Variants in RCBTB1 observed in about 807,000 individuals in gnomAD.
RCBTB1 encodes RCC1 and BTB domain-containing protein 1.
RCBTB1 carries 46 observed loss-of-function variants against 62.4 expected under a neutral mutation model. The observed-to-expected ratio is 0.74, with a 90% CI of 0.58 to 0.94. The LOEUF is 0.94. Among genes scored for constraint, RCBTB1 ranks in the 40% least tolerant of loss-of-function variants. RCBTB1 has a pLI of 0.00. For missense variants in RCBTB1, 565 were observed against 654.9 expected, an observed-to-expected ratio of 0.86 and a Z score of 1.50; for synonymous variants, 222 against 245.8, an observed-to-expected ratio of 0.90 and a Z score of 0.91.
At chr13:49,561,690 T>C (rs1306124664) in intron 4 of RCBTB1, among the ~76,000 whole-genome samples, 2 of 151,422 alleles carry the variant, frequency 1.3e-5, no homozygotes, top group African/African-American at 4.9e-5. Context: ...TTTCTGGAGG[T>C]AGACAAATTG....
chr13:49,576,364 T>C (rs1963789240), intron 2 of RCBTB1, among the ~76,000 whole-genome samples: 2 of 152,028 alleles, frequency 1.3e-5, no homozygotes, highest in African/African-American at 4.8e-5. Context: ...TAAAATCAAA[T>C]AATCATCCTG....
At chr13:49,544,921 A>C in intron 9 of RCBTB1, 58 bp from the exon 10 acceptor site, 1 of 1,426,378 alleles carries the variant, frequency 7.0e-7, no homozygotes, top group Non-Finnish European at 9.6e-7. Context: ...TGAAGATTCA[A>C]AAGACTTCAA....
chr13:49,561,715 T>A (rs922478505), intron 4 of RCBTB1, among the ~76,000 whole-genome samples: 8 of 151,628 alleles, frequency 5.3e-5, no homozygotes, highest in Non-Finnish European at 1.0e-4. Context: ...GAAAGTTTAA[T>A]GGGAAGAATA....
intron 1 of RCBTB1, among the ~76,000 whole-genome samples, chr13:49,583,796 C>T (rs1156947912): frequency 6.6e-6 from 1 of 152,144 alleles, no homozygotes; most frequent in Non-Finnish European, 1.5e-5. Flanking sequence ...AATCTGTCGC[C>T]TCAATCTCCC....
intron 9 of RCBTB1, chr13:49,546,937 A>C: frequency 1.0e-6 from 1 of 985,162 alleles, no homozygotes; most frequent in Non-Finnish European, 1.2e-6. Context: ...GTCAATGACC[A>C]TATTTTTTCC....
rs751852707 is a variant in RCBTB1 at position 49,552,218 on chromosome 13, G to A, written c.671C>T (p.Pro224Leu). 74 of 1,595,522 alleles carry A rather than the reference G, an allele frequency of 4.6e-5. No homozygotes were observed. The highest frequency in any genetic ancestry group is 6.1e-5 in the Non-Finnish European group (71 of 1,170,430). Reference sequence around the variant, plus strand: ...GCTGTGCAAAGCTGCCACTCTCACAGGGGTCAGCTGGTTGCCATTGTTTCC... The same window carrying A: ...GCTGTGCAAAGCTGCCACTCTCACAAGGGTCAGCTGGTTGCCATTGTTTCC... ...GLGNNGNQLT[P>L]VRVAALHSVC... Residue 224 changes from proline to leucine, a missense_variant, in exon 7 of 13, where the codon CCT becomes CTT. Physicochemically the swap from Pro to Leu is moderately conservative, Grantham distance 98. Coordinates refer to ENST00000378302, the MANE Select transcript of RCBTB1 (RefSeq NM_018191.4).
intron 1 of RCBTB1, among the ~76,000 whole-genome samples, chr13:49,581,233 A>G (rs1964077058): frequency 2.0e-5 from 3 of 152,162 alleles, no homozygotes; most frequent in Admixed American, 1.3e-4. Flanking sequence ...CCAGATGGCT[A>G]TGGTAAGCCA....
chr13:49,551,787 C>A (rs1319932640), intron 7 of RCBTB1, among the ~76,000 whole-genome samples: 5 of 151,748 alleles, frequency 3.3e-5, no homozygotes, highest in Non-Finnish European at 5.9e-5. Context: ...GTAGTCCCAG[C>A]TACTCGGGAG....
chr13:49,573,352 G>A (rs1468138005), intron 2 of RCBTB1, among the ~76,000 whole-genome samples: 3 of 150,952 alleles, frequency 2.0e-5, no homozygotes, highest in Admixed American at 6.6e-5. Flanking sequence ...TAGTTTGTTC[G>A]TTTGTTTGTT....
Position 49,559,898 on chromosome 13 carries a change from A to G in RCBTB1, c.444+20T>C. 2 of 1,588,720 alleles carry G rather than the reference A, an allele frequency of 1.3e-6. No individual in the cohort carries two copies. The highest frequency in any genetic ancestry group is 8.5e-7 in the Non-Finnish European group (1 of 1,172,378). On this transcript the variant is annotated intron_variant, in intron 5 of 12. Transcript: ENST00000378302. ...ATGATGAAAAAAAAAAAGAATAAAG[A>G]ATAAAAGCAGCATACTTACCTCTCC... is the stretch of plus-strand genomic sequence containing the variant.
intron 12 of RCBTB1, among the ~76,000 whole-genome samples, chr13:49,540,655 T>C (rs1960271518): frequency 6.6e-6 from 1 of 152,252 alleles, no homozygotes; most frequent in Non-Finnish European, 1.5e-5. Context: ...CCTTGGTTCG[T>C]TTCCTGTCTT....
Position 49,549,538 on chromosome 13 carries a change from T to A in RCBTB1, c.965A>T (p.His322Leu). ...GTCGGTGCAGGAGAAGTGGGTGAGGTGCGGGAGGATCACGGACTGACCCCG... is the reference window on the plus strand; with the variant it reads ...GTCGGTGCAGGAGAAGTGGGTGAGGAGCGGGAGGATCACGGACTGACCCCG... Reference protein sequence around the residue: ...QCRGQSVILPHLTHFSCTDDV... With the variant: ...QCRGQSVILPLLTHFSCTDDV... Residue 322 changes from histidine to leucine, a missense_variant, in exon 9 of 13, where the codon CAC becomes CTC. His to Leu is a moderately conservative substitution (Grantham distance 99). Transcript: ENST00000378302. 6.2e-7 allele frequency: 1 copy of A among 1,613,522 alleles called. No individual in the cohort carries two copies.
At chr13:49,558,302 C>T (rs921698453) in intron 5 of RCBTB1, among the ~76,000 whole-genome samples, 1 of 152,140 alleles carries the variant, frequency 6.6e-6, no homozygotes, top group Non-Finnish European at 1.5e-5. Context: ...TCCTGCGCTG[C>T]CAGAAGAGGC....
intron 2 of RCBTB1, 115 bp from the exon 3 acceptor site, chr13:49,567,435 C>T: frequency 8.2e-6 from 6 of 733,478 alleles, no homozygotes; most frequent in South Asian, 5.8e-5. Context: ...AATGAACTAC[C>T]TTTGGTTACA....
intron 2 of RCBTB1, among the ~76,000 whole-genome samples, chr13:49,575,293 C>T (rs1963698011): frequency 6.6e-6 from 1 of 152,168 alleles, no homozygotes; most frequent in Non-Finnish European, 1.5e-5. Flanking sequence ...CAACACTATA[C>T]ACTGTTAGTG....
chr13:49,546,038 T>G, intron 9 of RCBTB1: 1 of 968,248 alleles, frequency 1.0e-6, no homozygotes, highest in Non-Finnish European at 1.2e-6. Context: ...CTCTCAAAAG[T>G]CAGGCTTCCC....
intron 4 of RCBTB1, among the ~76,000 whole-genome samples, chr13:49,561,351 G>T (rs1483441048): frequency 6.6e-6 from 1 of 152,194 alleles, no homozygotes; most frequent in Admixed American, 6.5e-5. Context: ...TCTTCCAGGT[G>T]ACATGTGGCT....
intron 10 of RCBTB1, among the ~76,000 whole-genome samples, chr13:49,543,346 A>G (rs946211282): frequency 2.0e-5 from 3 of 152,194 alleles, no homozygotes; most frequent in African/African-American, 7.2e-5. Context: ...AATAAAAAAG[A>G]AATAGTTGTC....
In RCBTB1 at chr13:49,551,350, G is replaced by T. The variant is rs1594280427; in HGVS notation, c.830C>A (p.Ala277Glu). Residue 277 changes from alanine (A) to glutamate (E), a missense_variant, in exon 8 of 13, where the codon GCA becomes GAA. Coordinates refer to ENST00000378302, the MANE Select transcript of RCBTB1 (RefSeq NM_018191.4). ...CCTTTCTTTCTCCACCATGATGTGT[G>T]CTGGGCTTAGCAGGTTATTTTTATT... ...TGNKNNLLSP[A>E]HIMVEKERVV... 6.2e-7 allele frequency: 1 copy of T among 1,614,220 alleles called. No individual in the cohort carries two copies. Among genetic ancestry groups the T allele is most frequent in the Non-Finnish European group, 8.5e-7 (1 of 1,180,044 alleles).
Sources: gnomAD v4.1 joint callset for allele counts (sites outside exome capture counted in the v4.1 genomes callset) on GRCh38, gnomAD v4.1.1 for gene constraint, MANE v1.5 for transcripts, NCBI Gene and HGNC (gene_info 2026-07-23, HGNC 2026-07-21) for gene names.